The following ESRRB variants were observed in gnomAD, a reference collection of about 807,000 sequenced individuals.
ESRRB encodes the protein estrogen related receptor beta.
ESRRB carries 16 observed loss-of-function variants against 46.0 expected under a neutral mutation model. That is an observed-to-expected ratio of 0.35 (90% CI 0.24 to 0.53). ESRRB has a LOEUF of 0.53. ESRRB is among the 20% of genes least tolerant of loss of function. ESRRB has a pLI of 0.93. For missense variants in ESRRB, 488 were observed against 607.4 expected (o/e 0.80, Z 2.07); for synonymous variants, 246 against 259.6 (o/e 0.95, Z 0.50).
intron 2 of ESRRB, 108 bp from the exon 3 acceptor site, chr14:76,462,437 G>C (rs1259834851): frequency 2.6e-6 from 2 of 775,988 alleles, no homozygotes; most frequent in Non-Finnish European, 4.4e-6. Flanking sequence ...ACACTAGGGG[G>C]GAGTGGCAGC....
At chr14:76,396,293 G>A (rs1229331164) in intron 1 of ESRRB, among the ~76,000 whole-genome samples, 7 of 152,138 alleles carry the variant, frequency 4.6e-5, no homozygotes, top group Admixed American at 4.6e-4. Context: ...CAAGTAGCTG[G>A]ACAGTGGATA....
chr14:76,344,769 G>A (rs1361724918), intron 1 of ESRRB, among the ~76,000 whole-genome samples: 3 of 151,500 alleles, frequency 2.0e-5, no homozygotes, highest in Admixed American at 6.6e-5. Context: ...GGAGAATGGT[G>A]TGAACCTAGG....
chr14:76,381,821 C>T (rs933878357), intron 1 of ESRRB, among the ~76,000 whole-genome samples: 1 of 152,070 alleles, frequency 6.6e-6, no homozygotes, highest in Non-Finnish European at 1.5e-5. Flanking sequence ...AGCACAGGCT[C>T]AATTTGTTTC....
chr14:76,431,463 A>G (rs994129657), intron 1 of ESRRB, among the ~76,000 whole-genome samples: 49 of 152,266 alleles, frequency 3.2e-4, no homozygotes, highest in African/African-American at 1.2e-3. Flanking sequence ...CTGCTTTGTA[A>G]TCCAGCAGAG....
chr14:76,429,117 T>C (rs1887322730), intron 1 of ESRRB, among the ~76,000 whole-genome samples: 2 of 151,908 alleles, frequency 1.3e-5, no homozygotes, highest in African/African-American at 2.4e-5. Context: ...AACATGGACA[T>C]AGAGGGTATT....
At chr14:76,349,901 G>A (rs536104266) in intron 1 of ESRRB, among the ~76,000 whole-genome samples, 1 of 152,316 alleles carries the variant, frequency 6.6e-6, no homozygotes, top group African/African-American at 2.4e-5. Flanking sequence ...GGGAAGTAGG[G>A]TCCATGTGCC....
At chr14:76,432,077 C>A (rs893229352) in intron 1 of ESRRB, among the ~76,000 whole-genome samples, 1 of 152,208 alleles carries the variant, frequency 6.6e-6, no homozygotes, top group Non-Finnish European at 1.5e-5. Context: ...CCAATCCCGT[C>A]CTTTCTGACA....
At chr14:76,410,201 G>A (rs1297061296) in intron 1 of ESRRB, among the ~76,000 whole-genome samples, 2 of 152,184 alleles carry the variant, frequency 1.3e-5, no homozygotes, top group Non-Finnish European at 2.9e-5. Context: ...TCCAGCCTGG[G>A]CGACAGAGCA....
intron 1 of ESRRB, among the ~76,000 whole-genome samples, chr14:76,432,008 C>A (rs1195131135): frequency 6.6e-6 from 1 of 152,216 alleles, no homozygotes; most frequent in Non-Finnish European, 1.5e-5. Context: ...GCTTCTTCCT[C>A]CTGCTGGACC....
chr14:76,455,460 G>A (rs915371324), intron 2 of ESRRB, among the ~76,000 whole-genome samples: 1 of 151,784 alleles, frequency 6.6e-6, no homozygotes, highest in African/African-American at 2.4e-5. Flanking sequence ...CGATCATCCC[G>A]CTGTCCCAAT....
At chr14:76,421,842 G>A (rs1300915802) in intron 1 of ESRRB, among the ~76,000 whole-genome samples, 1 of 152,208 alleles carries the variant, frequency 6.6e-6, no homozygotes, top group Non-Finnish European at 1.5e-5. Context: ...ACTACCCAGG[G>A]AGGGAGGGTG....
chr14:76,449,040 A>T (rs1464165176), intron 2 of ESRRB, among the ~76,000 whole-genome samples: 1 of 152,090 alleles, frequency 6.6e-6, no homozygotes, highest in Non-Finnish European at 1.5e-5. Context: ...CTTCATTTCC[A>T]TCAGTTAATT....
chr14:76,463,445 G>GTTTTTTTTTTTGTTTTTGTTTTTTTTTTT, intron 3 of ESRRB: 1 of 114,738 alleles, frequency 8.7e-6, no homozygotes. Context: ...ATGCTTCTTT[G>GTTTTTTTTTTTGTTTTTGTTTTTTTTTTT]TTTTTTTTTT....
upstream of ESRRB, among the ~76,000 whole-genome samples, chr14:76,369,129 A>T (rs766890774): frequency 1.3e-5 from 2 of 151,194 alleles, no homozygotes; most frequent in Non-Finnish European, 2.9e-5. Flanking sequence ...CCAGGGAGTC[A>T]GAGGTTGCAG....
intron 1 of ESRRB, among the ~76,000 whole-genome samples, chr14:76,328,982 CAA>C (rs534530363): frequency 5.3e-4 from 80 of 152,138 alleles, no homozygotes; most frequent in African/African-American, 1.9e-3. Flanking sequence ...GAGTCCAGTT[CAA>C]AAGAGAGCAG....
intron 1 of ESRRB, among the ~76,000 whole-genome samples, chr14:76,324,307 A>G (rs61396896): frequency 0.26 from 39,097 of 152,032 alleles, 5,211 homozygotes; most frequent in East Asian, 0.38. Context: ...CTGCCCCGGC[A>G]GGGAGGGAGT....
chr14:76,382,586 G>A (rs1169407899), intron 1 of ESRRB, among the ~76,000 whole-genome samples: 2 of 152,176 alleles, frequency 1.3e-5, no homozygotes, highest in Non-Finnish European at 2.9e-5. Flanking sequence ...ACAGGTTGTG[G>A]CTTAAAGAGT....
chr14:76,443,142 C>G (rs1350175055), intron 2 of ESRRB, among the ~76,000 whole-genome samples: 3 of 151,926 alleles, frequency 2.0e-5, no homozygotes, highest in Non-Finnish European at 2.9e-5. Context: ...CTTAAATGAG[C>G]CCTTTTAAAA....
chr14:76,424,757 G>A (rs954451978), intron 1 of ESRRB, among the ~76,000 whole-genome samples: 2 of 149,678 alleles, frequency 1.3e-5, no homozygotes, highest in Non-Finnish European at 2.9e-5. Context: ...GTTTGTTTGA[G>A]ATAGAGTGTC....
Sources: gnomAD v4.1 joint callset for allele counts (sites outside exome capture counted in the v4.1 genomes callset) on GRCh38, gnomAD v4.1.1 for gene constraint, MANE v1.5 for transcripts, NCBI Gene and HGNC (gene_info 2026-07-23, HGNC 2026-07-21) for gene names.